The following GOLM1 variants were observed in gnomAD, a reference collection of about 807,000 sequenced individuals.
GOLM1 encodes the protein golgi membrane protein 1.
GOLM1 carries 31 observed loss-of-function variants against 50.5 expected under a neutral mutation model. The ratio of observed to expected loss-of-function variants is 0.61; its 90% CI spans 0.46 to 0.83. The LOEUF is 0.83. Among genes scored for constraint, GOLM1 ranks in the 40% least tolerant of loss-of-function variants. The probability of loss-of-function intolerance (pLI) is 0.00; values close to 1 mark genes in which losing one functional copy is unlikely to be tolerated. For synonymous variants in GOLM1, 178 were observed against 192.8 expected, an observed-to-expected ratio of 0.92 and a Z score of 0.64; for missense variants, 491 against 501.3, an observed-to-expected ratio of 0.98 and a Z score of 0.20.
At position 86,034,870 on chromosome 9, in the gene GOLM1, AAAAAG is replaced by A. The variant is rs138822619; in HGVS notation, c.1015+493_1015+497del. Reference sequence around the variant, plus strand: ...TCCAATTCCTACCCTTTATTTCTTTAAAAAGAAAAGAGTCAACCAAACCAAAAAGG... The same window carrying A: ...TCCAATTCCTACCCTTTATTTCTTTAAAAAGAGTCAACCAAACCAAAAAGG... On this transcript the variant is annotated intron_variant, in intron 8 of 9. Transcript: ENST00000388712. The A allele has an allele frequency of 4.1e-3, 1,293 of 314,816 alleles. 7 individuals carry two copies. Among genetic ancestry groups the A allele is most frequent in the Non-Finnish European group, 3.9e-3 (844 of 219,098 alleles). 19.5% of individuals were successfully genotyped at this position (314,816 alleles called of 1,614,324 possible).
At chr9:86,085,354 C>A (rs1159585379) in intron 1 of GOLM1, among the ~76,000 whole-genome samples, 1 of 149,482 alleles carries the variant, frequency 6.7e-6, no homozygotes, top group Non-Finnish European at 1.5e-5. Context: ...AGCTCTTTGT[C>A]TATTAAAGGT....
In GOLM1 at chr9:86,079,287, T is replaced by C; in HGVS notation, c.34A>G (p.Lys12Glu). Reference protein sequence around the residue: ...MGLGNGRRSMKSPPLVLAALV... With the variant: ...MGLGNGRRSMESPPLVLAALV... ...GCGGCCAGCACGAGGGGCGGCGACT[T>C]CATGCTGCGACGCCCGTTTCCCAAG... is the stretch of plus-strand genomic sequence containing the variant. Residue 12 changes from lysine to glutamate, a missense_variant, in exon 2 of 10, where the codon AAG becomes GAG. Physicochemically the swap from Lys to Glu is moderately conservative, Grantham distance 56 (BLOSUM62 1). Transcript: ENST00000388712. 6.2e-7 allele frequency: 1 copy of C among 1,608,132 alleles called. No homozygotes were observed. The highest frequency in any genetic ancestry group is 8.5e-7 in the Non-Finnish European group (1 of 1,176,438).
At position 86,055,870 on chromosome 9, in the gene GOLM1, C is replaced by G. The variant is rs546486258; in HGVS notation, c.310-3279G>C. Among the ~76,000 whole-genome samples, 3 of 152,262 alleles carry G rather than the reference C, an allele frequency of 2.0e-5. No individual in the cohort carries two copies. In the South Asian group the frequency reaches 6.2e-4, roughly 32 times the overall value. On this transcript the variant is annotated intron_variant, in intron 3 of 9. Transcript: ENST00000388712. Reference sequence around the variant, plus strand: ...TTTCTAGAGATCTGTTGCACAACAGCGTGAATATCCTTCACATCACTGATC... The same window carrying G: ...TTTCTAGAGATCTGTTGCACAACAGGGTGAATATCCTTCACATCACTGATC...
chr9:86,026,359 C>CT lies in GOLM1; in HGVS notation c.*1457dup. 8.1e-6 allele frequency: 8 copies of CT among 985,248 alleles called. No homozygotes were observed. The highest frequency in any genetic ancestry group is 8.4e-6 in the Non-Finnish European group (7 of 829,854). 61.0% of individuals were successfully genotyped at this position (985,248 alleles called of 1,614,324 possible). ...GGGTGGGAAAGTTTAACCTTAGTGA[C>CT]TAAGGACATCACATATGAAGAATGT... is the stretch of plus-strand genomic sequence containing the variant. On this transcript the variant is annotated 3_prime_UTR_variant, in exon 10 of 10. Coordinates refer to ENST00000388712, the MANE Select transcript of GOLM1 (RefSeq NM_016548.4).
Position 86,026,307 on chromosome 9 carries a change from T to TAAGA in GOLM1, c.*1506_*1509dup, listed in dbSNP as rs905354552. 1.0e-6 allele frequency: 1 copy of TAAGA among 984,978 alleles called. No individual in the cohort carries two copies. The highest frequency in any genetic ancestry group is 1.7e-5 in the African/African-American group (1 of 57,228). 61.0% of individuals were successfully genotyped at this position (984,978 alleles called of 1,614,324 possible). A position where few individuals can be genotyped will look rare whatever the true frequency, so the allele number is the denominator to read the frequency against. ...GACTTAGAAGAGTATGAAAGTACTC[T>TAAGA]AAGATTTTATCTAAGTTGCCTTTTC... On this transcript the variant is annotated 3_prime_UTR_variant, in exon 10 of 10. Coordinates refer to ENST00000388712, the MANE Select transcript of GOLM1 (RefSeq NM_016548.4).
intron 6 of GOLM1, among the ~76,000 whole-genome samples, 168 bp downstream of exon 6, chr9:86,040,571 G>C (rs1287183591): frequency 1.3e-5 from 2 of 152,190 alleles, no homozygotes; most frequent in Non-Finnish European, 2.9e-5. Context: ...AGAACCCTTG[G>C]TTAGGGTCCA....
chr9:86,043,948 G>C (rs1337076167), intron 5 of GOLM1, among the ~76,000 whole-genome samples: 1 of 152,152 alleles, frequency 6.6e-6, no homozygotes, highest in Non-Finnish European at 1.5e-5. Flanking sequence ...TTGCATTAAG[G>C]TTTCTTTAAG....
intron 1 of GOLM1, among the ~76,000 whole-genome samples, chr9:86,087,908 G>C (rs1835030019): frequency 6.6e-6 from 1 of 152,090 alleles, no homozygotes; most frequent in Non-Finnish European, 1.5e-5. Flanking sequence ...TTCTTTTTTT[G>C]TTGTGTTTAG....
chr9:86,064,767 CTG>C (rs1441525405), intron 3 of GOLM1, among the ~76,000 whole-genome samples: 1 of 152,246 alleles, frequency 6.6e-6, no homozygotes, highest in Non-Finnish European at 1.5e-5. Context: ...AGGTTAGACA[CTG>C]TGGGGGACAG....
chr9:86,053,675 C>T (rs147628376), intron 3 of GOLM1, among the ~76,000 whole-genome samples: 1 of 148,488 alleles, frequency 6.7e-6, no homozygotes, highest in Non-Finnish European at 1.5e-5. Context: ...ACACACGGCA[C>T]ACCACTCCAC....
chr9:86,066,626 T>C (rs1286427394), intron 3 of GOLM1, among the ~76,000 whole-genome samples: 1 of 152,224 alleles, frequency 6.6e-6, no homozygotes, highest in Non-Finnish European at 1.5e-5. Flanking sequence ...GTAAAAAGTA[T>C]AAATGTCAAA....
chr9:86,066,631 G>A (rs1834314582), intron 3 of GOLM1, among the ~76,000 whole-genome samples: 1 of 152,194 alleles, frequency 6.6e-6, no homozygotes, highest in South Asian at 2.1e-4. Context: ...AAGTATAAAT[G>A]TCAAAGTGGA....
intron 8 of GOLM1, 85 bp from the exon 9 acceptor site, chr9:86,033,480 G>T: frequency 1.2e-6 from 1 of 802,682 alleles, no homozygotes; most frequent in East Asian, 2.6e-5. Flanking sequence ...CTGGGGGTTA[G>T]CCATACTTGC....
chr9:86,083,708 C>T (rs1000462027), intron 1 of GOLM1, among the ~76,000 whole-genome samples: 9 of 152,188 alleles, frequency 5.9e-5, no homozygotes, highest in African/African-American at 1.9e-4. Flanking sequence ...ACATTTTGAA[C>T]AGCTAGTTTA....
chr9:86,099,533 T>TCCGCGTCCAGCGCCG lies in GOLM1; in HGVS notation c.-159_-145dup, dbSNP rs949041984. 3 of 147,378 alleles carry TCCGCGTCCAGCGCCG rather than the reference T, an allele frequency of 2.0e-5. No homozygotes were observed. Among genetic ancestry groups the TCCGCGTCCAGCGCCG allele is most frequent in the Non-Finnish European group, 1.5e-5 (1 of 66,462 alleles). 9.1% of individuals were successfully genotyped at this position (147,378 alleles called of 1,614,324 possible). On this transcript the variant is annotated 5_prime_UTR_variant, in exon 1 of 10. Coordinates refer to ENST00000388712, the MANE Select transcript of GOLM1 (RefSeq NM_016548.4). ...GGCTCCGCGCCGTGCGCCCAGCGCC[T>TCCGCGTCCAGCGCCG]CCGCGTCCAGCGCCGCCGCGTCTCC...
At chr9:86,097,198 G>A (rs992899774) in intron 1 of GOLM1, among the ~76,000 whole-genome samples, 2 of 151,734 alleles carry the variant, frequency 1.3e-5, no homozygotes, top group Non-Finnish European at 2.9e-5. Flanking sequence ...CATCAATAAC[G>A]TGAGAAGTCC....
chr9:86,038,351 A>G (rs113415565), intron 6 of GOLM1, among the ~76,000 whole-genome samples: 8 of 152,024 alleles, frequency 5.3e-5, no homozygotes, highest in African/African-American at 1.9e-4. Context: ...GAAACAGGCC[A>G]GAGTGCTCTA....
chr9:86,072,381 T>C (rs375343923), intron 3 of GOLM1, among the ~76,000 whole-genome samples: 6 of 152,298 alleles, frequency 3.9e-5, no homozygotes, highest in African/African-American at 1.4e-4. Flanking sequence ...TATGTCACCA[T>C]CACACAGCTG....
intron 3 of GOLM1, among the ~76,000 whole-genome samples, chr9:86,053,539 C>T (rs11141200): frequency 4.6e-3 from 6 of 1,316 alleles, no homozygotes; most frequent in South Asian, 0.024. Flanking sequence ...CCACACCAAA[C>T]CACACCAAAC....
Sources: gnomAD v4.1 joint callset for allele counts (sites outside exome capture counted in the v4.1 genomes callset) on GRCh38, gnomAD v4.1.1 for gene constraint, MANE v1.5 for transcripts, NCBI Gene and HGNC (gene_info 2026-07-23, HGNC 2026-07-21) for gene names.